Variants in DCC observed in about 807,000 individuals in gnomAD.
DCC encodes netrin receptor DCC.
A neutral mutation model predicts 172.5 loss-of-function variants in DCC; 58 were observed. The observed-to-expected ratio is 0.34, with a 90% CI of 0.27 to 0.42. The LOEUF is 0.42. Ranked by LOEUF, DCC falls within the 10% of genes least tolerant of loss-of-function variation. The pLI is 1.00. For synonymous variants in DCC, 709 were observed against 644.5 expected (o/e 1.10, Z -1.52); for missense variants, 1,740 against 1,791.0 (o/e 0.97, Z 0.51).
intron 2 of DCC, among the ~76,000 whole-genome samples, chr18:52,886,773 G>A (rs2039576719): frequency 6.6e-6 from 1 of 152,110 alleles, no homozygotes; most frequent in Non-Finnish European, 1.5e-5. Context: ...CTGATTTTTG[G>A]TTCTTCTGAT....
At chr18:52,945,812 C>G (rs553689518) in intron 5 of DCC, among the ~76,000 whole-genome samples, 1 of 152,214 alleles carries the variant, frequency 6.6e-6, no homozygotes, top group Non-Finnish European at 1.5e-5. Flanking sequence ...ATGTAGCCTA[C>G]AGGCTTTGTT....
chr18:52,929,313 G>C (rs993975649), intron 5 of DCC, among the ~76,000 whole-genome samples: 1 of 152,016 alleles, frequency 6.6e-6, no homozygotes, highest in Non-Finnish European at 1.5e-5. Context: ...TGTCTGCCCT[G>C]TCTGCTCCAC....
At chr18:52,797,414 A>G (rs1197996857) in intron 2 of DCC, among the ~76,000 whole-genome samples, 1 of 152,108 alleles carries the variant, frequency 6.6e-6, no homozygotes, top group Non-Finnish European at 1.5e-5. Context: ...AAGGAAAGAT[A>G]TTTTCCTACA....
intron 8 of DCC, among the ~76,000 whole-genome samples, chr18:53,170,596 T>G (rs1461801700): frequency 6.6e-6 from 1 of 152,180 alleles, no homozygotes; most frequent in Non-Finnish European, 1.5e-5. Context: ...TATGAAGTTG[T>G]GGTGGTATTT....
At chr18:52,799,519 C>T (rs1188022393) in intron 2 of DCC, among the ~76,000 whole-genome samples, 1 of 152,152 alleles carries the variant, frequency 6.6e-6, no homozygotes, top group African/African-American at 2.4e-5. Flanking sequence ...AAAACCAGGT[C>T]AGTCTCATAT....
intron 1 of DCC, among the ~76,000 whole-genome samples, chr18:52,430,821 A>AT (rs773599624): frequency 6.6e-6 from 1 of 152,158 alleles, no homozygotes; most frequent in Non-Finnish European, 1.5e-5. Context: ...CTCTCAAATA[A>AT]TTTTTTTAAC....
intron 5 of DCC, among the ~76,000 whole-genome samples, chr18:52,946,426 ACTGT>A (rs1439146704): frequency 3.3e-5 from 5 of 152,184 alleles, no homozygotes; most frequent in South Asian, 2.1e-4. Context: ...CCGCAATAAT[ACTGT>A]CTAACACACT....
At chr18:53,133,993 A>G (rs1488482548) in intron 7 of DCC, among the ~76,000 whole-genome samples, 1 of 152,182 alleles carries the variant, frequency 6.6e-6, no homozygotes, top group African/African-American at 2.4e-5. Flanking sequence ...GACTATTTTT[A>G]TGGAGTACCA....
At chr18:53,370,728 T>G (rs2058052672) in intron 15 of DCC, among the ~76,000 whole-genome samples, 1 of 151,886 alleles carries the variant, frequency 6.6e-6, no homozygotes. Context: ...AGAAGATACT[T>G]TATATGATCT....
intron 2 of DCC, among the ~76,000 whole-genome samples, chr18:52,851,010 A>T (rs1263532536): frequency 1.3e-5 from 2 of 151,712 alleles, no homozygotes; most frequent in Non-Finnish European, 2.9e-5. Context: ...TTAATGAACA[A>T]TTAAACGGTA....
At chr18:53,043,909 C>T (rs2042202352) in intron 5 of DCC, among the ~76,000 whole-genome samples, 1 of 151,822 alleles carries the variant, frequency 6.6e-6, no homozygotes, top group African/African-American at 2.4e-5. Flanking sequence ...CATTAAAGTA[C>T]TGTTACTGTG....
chr18:52,642,044 A>G (rs1354565777), intron 1 of DCC, among the ~76,000 whole-genome samples: 4 of 11,296 alleles, frequency 3.5e-4, no homozygotes, highest in Admixed American at 1.9e-3. Flanking sequence ...ATATATATAT[A>G]TACTGTGGTG....
rs147284603 is a variant in DCC, at chr18:53,133,129, A to G, written c.1262-24227A>G. Among the ~76,000 whole-genome samples the G allele has an allele frequency of 1.1e-3, 166 of 152,274 alleles. 1 individual carries two copies. Among genetic ancestry groups the G allele is most frequent in the Non-Finnish European group, 1.7e-3 (118 of 68,014 alleles). On this transcript the variant is annotated intron_variant, in intron 7 of 28. Coordinates refer to ENST00000442544, the MANE Select transcript of DCC (RefSeq NM_005215.4). ...TCTTAGTTATCACATGGCATTGACC[A>G]TTTTCTTGTTGTCTGTATTAGCTCC...
At chr18:52,817,972 G>A (rs1166499524) in intron 2 of DCC, 1 of 152,180 alleles carries the variant, frequency 6.6e-6, no homozygotes. Flanking sequence ...AAGCGTCATG[G>A]ATAAATATGA....
At chr18:52,588,161 C>G (rs2033720265) in intron 1 of DCC, among the ~76,000 whole-genome samples, 1 of 152,180 alleles carries the variant, frequency 6.6e-6, no homozygotes, top group Admixed American at 6.5e-5. Flanking sequence ...GAGTAGTTAT[C>G]TGCAGAAGAT....
At chr18:52,581,856 C>T (rs1172671370) in intron 1 of DCC, among the ~76,000 whole-genome samples, 2 of 152,246 alleles carry the variant, frequency 1.3e-5, no homozygotes, top group East Asian at 3.9e-4. Context: ...GGGTAGGTGC[C>T]TTTGCCAAGT....
At chr18:52,390,899 A>G (rs1242871710) in intron 1 of DCC, among the ~76,000 whole-genome samples, 11 of 152,132 alleles carry the variant, frequency 7.2e-5, no homozygotes, top group African/African-American at 2.7e-4. Context: ...TGAGTGTATT[A>G]GCACTTGGAG....
At chr18:52,723,024 T>G (rs4603662) in intron 1 of DCC, among the ~76,000 whole-genome samples, 1 of 152,006 alleles carries the variant, frequency 6.6e-6, no homozygotes. Flanking sequence ...TTTGAGAGCA[T>G]AGCTCTATTG....
At chr18:52,728,766 G>A (rs1326058892) in intron 1 of DCC, among the ~76,000 whole-genome samples, 1 of 152,210 alleles carries the variant, frequency 6.6e-6, no homozygotes, top group East Asian at 1.9e-4. Flanking sequence ...GCCTACGGAT[G>A]AATGAGTCTC....
Sources: gnomAD v4.1 joint callset for allele counts (sites outside exome capture counted in the v4.1 genomes callset) on GRCh38, gnomAD v4.1.1 for gene constraint, MANE v1.5 for transcripts, NCBI Gene and HGNC (gene_info 2026-07-23, HGNC 2026-07-21) for gene names.